SESN2: variants seen among roughly 807,000 people sequenced by gnomAD.
The protein encoded by SESN2 is sestrin-2.
SESN2 carries 42 observed loss-of-function variants against 56.0 expected under a neutral mutation model. That is an observed-to-expected ratio of 0.75 (90% CI 0.59 to 0.97). SESN2 has a LOEUF of 0.97. SESN2 is among the 50% of genes least tolerant of loss of function. SESN2 has a pLI of 0.00. For synonymous variants in SESN2, 264 were observed against 267.1 expected (o/e 0.99, Z 0.11); for missense variants, 507 against 649.4 (o/e 0.78, Z 2.38).
chr1:28,269,617 TTTA>T (rs1647686266), intron 2 of SESN2, among the ~76,000 whole-genome samples: 1 of 152,178 alleles, frequency 6.6e-6, no homozygotes, highest in Admixed American at 6.5e-5. Flanking sequence ...GTAATATATG[TTTA>T]TTATTTTAAA....
intron 5 of SESN2, 39 bp downstream of exon 5, chr1:28,272,832 G>A (rs1027242919): frequency 1.6e-6 from 2 of 1,228,106 alleles, no homozygotes; most frequent in South Asian, 2.8e-5. Flanking sequence ...GGAGGAAGCG[G>A]GCATGACCTC....
At chr1:28,266,878 A>ATTG (rs573511235) in intron 1 of SESN2, among the ~76,000 whole-genome samples, 242 of 152,088 alleles carry the variant, frequency 1.6e-3, no homozygotes, top group Middle Eastern at 0.01. Context: ...TGCATTGTAT[A>ATTG]TTGTTGTTGT....
rs113780253 is a variant in SESN2, at chr1:28,273,356, A to C, written c.751-2A>C. The C allele has an allele frequency of 6.3e-7, 1 of 1,584,398 alleles. No homozygotes were observed. Among genetic ancestry groups the C allele is most frequent in the African/African-American group, 1.4e-5 (1 of 74,072 alleles). On this transcript the variant is annotated splice_acceptor_variant, in intron 5 of 9. Transcript: ENST00000253063. LOFTEE classifies it high-confidence loss of function. The stretch of plus-strand genomic sequence containing the variant: ...CTGGTCACCACGGGGCCTCTCCTGC[A>C]GGGCTTTGAGTCTGCCCGCGACGTG...
Position 28,259,813 on chromosome 1 carries a change from CG to C in SESN2, c.-34del. Reference sequence around the variant, plus strand: ...CCGAAACCCACTCGGGTGCACGGGTCGTCGGCGAGCCGCGACCGGGTCCTGG... The same window carrying C: ...CCGAAACCCACTCGGGTGCACGGGTCTCGGCGAGCCGCGACCGGGTCCTGG... On this transcript the variant is annotated 5_prime_UTR_variant, in exon 1 of 10. Coordinates refer to ENST00000253063, the MANE Select transcript of SESN2 (RefSeq NM_031459.5). 1 of 1,360,612 alleles carries C rather than the reference CG, an allele frequency of 7.3e-7. No homozygotes were observed. Among genetic ancestry groups the C allele is most frequent in the Non-Finnish European group, 9.5e-7 (1 of 1,054,770 alleles). The allele number at this position is 1,360,612 out of a possible 1,614,324, so 84.3% of individuals were successfully genotyped here. A position where few individuals can be genotyped will look rare whatever the true frequency, so the allele number is the denominator to read the frequency against.
rs566059957 is a variant in SESN2, at chr1:28,267,334, T to C, written c.91-1849T>C. Among the ~76,000 whole-genome samples the C allele has an allele frequency of 2.4e-4, 36 of 152,136 alleles. 2 individuals carry two copies. The South Asian group carries it at 6.8e-3, about 29-fold the overall frequency. On this transcript the variant is annotated intron_variant, in intron 1 of 9. Coordinates refer to ENST00000253063, the MANE Select transcript of SESN2 (RefSeq NM_031459.5). ...GTAGCTGGGCTACTTTACCTACCAG[T>C]TTAGTAGGTAAAGAGAGTTTAGGCC...
intron 1 of SESN2, among the ~76,000 whole-genome samples, chr1:28,260,988 T>G (rs1380129502): frequency 6.6e-6 from 1 of 152,200 alleles, no homozygotes; most frequent in East Asian, 1.9e-4. Flanking sequence ...GAAAGAGGCT[T>G]TCTTCATTAA....
chr1:28,272,079 G>A (rs1049171531), intron 3 of SESN2, among the ~76,000 whole-genome samples: 1 of 152,214 alleles, frequency 6.6e-6, no homozygotes, highest in South Asian at 2.1e-4. Flanking sequence ...GTTAGTGCTT[G>A]TGTTAGGTAC....
At chr1:28,260,290 A>G (rs1036799987) in intron 1 of SESN2, among the ~76,000 whole-genome samples, 1 of 151,908 alleles carries the variant, frequency 6.6e-6, no homozygotes, top group African/African-American at 2.4e-5. Flanking sequence ...GAGCGTCTTC[A>G]AGTCCAGGCA....
intron 9 of SESN2, 33 bp from the exon 10 acceptor site, chr1:28,280,683 T>G: frequency 6.4e-7 from 1 of 1,557,166 alleles, no homozygotes; most frequent in Non-Finnish European, 8.8e-7. Context: ...AGGAGTGACA[T>G]CAGTTGCCAA....
chr1:28,259,757 C>T lies in SESN2; in HGVS notation c.-91C>T, dbSNP rs907019358. 2 of 992,624 alleles carry T rather than the reference C, an allele frequency of 2.0e-6. No individual in the cohort carries two copies. The highest frequency in any genetic ancestry group is 1.7e-5 in the African/African-American group (1 of 58,552). 61.5% of individuals were successfully genotyped at this position (992,624 alleles called of 1,614,324 possible). ...CGGGGTTCTAGAAGCTCCCCGGCGGCGCCCAGTCCCGGCTTCATTCGGGCG... is the reference window on the plus strand; with the variant it reads ...CGGGGTTCTAGAAGCTCCCCGGCGGTGCCCAGTCCCGGCTTCATTCGGGCG... On this transcript the variant is annotated 5_prime_UTR_variant, in exon 1 of 10. Transcript: ENST00000253063.
At chr1:28,269,444 CAAA>C (rs1353338333) in intron 2 of SESN2, among the ~76,000 whole-genome samples, 196 bp downstream of exon 2, 1 of 151,658 alleles carries the variant, frequency 6.6e-6, no homozygotes, top group Non-Finnish European at 1.5e-5. Context: ...GAAACAGGCT[CAAA>C]GAAATCAAGT....
chr1:28,279,271 AAGTAGACAGGCCAAGCC>A, intron 9 of SESN2, 30 bp downstream of exon 9: 1 of 1,612,798 alleles, frequency 6.2e-7, no homozygotes, highest in South Asian at 1.1e-5. Flanking sequence ...GGCAGGATGG[AAGTAGACAGGCCAAGCC>A]AGTGGAGAGG....
chr1:28,273,228 G>C (rs761869158), intron 5 of SESN2, 130 bp from the exon 6 acceptor site: 2 of 826,986 alleles, frequency 2.4e-6, no homozygotes, highest in Non-Finnish European at 3.6e-6. Flanking sequence ...GTCCAGCACA[G>C]TGGCTGGCAC....
chr1:28,280,817 C>A lies in SESN2; in HGVS notation c.*15C>A. Reference sequence around the variant, plus strand: ...ACATGACCTGACTCCTGAGCAGGACCTGGGCCCGGTTCAGCTCCCCACAAG... The same window carrying A: ...ACATGACCTGACTCCTGAGCAGGACATGGGCCCGGTTCAGCTCCCCACAAG... On this transcript the variant is annotated 3_prime_UTR_variant, in exon 10 of 10. Transcript: ENST00000253063. The A allele has an allele frequency of 6.2e-7, 1 of 1,604,486 alleles. No individual in the cohort carries two copies.
At chr1:28,274,227 A>G in intron 7 of SESN2, 69 bp downstream of exon 7, 2 of 1,043,514 alleles carry the variant, frequency 1.9e-6, no homozygotes, top group South Asian at 2.6e-5. Flanking sequence ...GGATAGTTTG[A>G]GTAGTTACAG....
chr1:28,273,925 G>A, intron 6 of SESN2, 115 bp from the exon 7 acceptor site: 1 of 731,368 alleles, frequency 1.4e-6, no homozygotes, highest in Non-Finnish European at 2.4e-6. Context: ...CTATAGCAAG[G>A]GGCTTTTTTT....
intron 1 of SESN2, among the ~76,000 whole-genome samples, chr1:28,264,924 G>C (rs1267922020): frequency 6.6e-6 from 1 of 152,186 alleles, no homozygotes; most frequent in East Asian, 1.9e-4. Flanking sequence ...AGATGCAGCA[G>C]CCTGGAGACT....
intron 5 of SESN2, 80 bp downstream of exon 5, chr1:28,272,873 A>G (rs1647841495): frequency 1.6e-5 from 12 of 738,686 alleles, no homozygotes; most frequent in Middle Eastern, 2.5e-4. Context: ...CTGCTTCCCA[A>G]TCTCGTATCT....
At chr1:28,272,003 G>A in intron 3 of SESN2, 132 bp downstream of exon 3, 1 of 958,884 alleles carries the variant, frequency 1.0e-6, no homozygotes, top group Non-Finnish European at 1.5e-6. Context: ...TCTAACTGTA[G>A]AGTTTTGGGT....
Sources: allele counts gnomAD v4.1 joint callset (sites outside exome capture counted in the v4.1 genomes callset), GRCh38; gene constraint gnomAD v4.1.1; transcripts MANE v1.5; gene names NCBI Gene and HGNC (gene_info 2026-07-23, HGNC 2026-07-21).